MAN1C1: variants seen among roughly 807,000 people sequenced by gnomAD.
MAN1C1 encodes mannosyl-oligosaccharide 1,2-alpha-mannosidase IC.
A neutral mutation model predicts 71.5 loss-of-function variants in MAN1C1; 49 were observed. The ratio of observed to expected loss-of-function variants is 0.69; its 90% CI spans 0.54 to 0.87. The LOEUF (loss-of-function observed/expected upper bound fraction) is 0.87, where lower values mean the gene tolerates loss of function less well. Among genes scored for constraint, MAN1C1 ranks in the 40% least tolerant of loss-of-function variants. The pLI is 0.00. For synonymous variants in MAN1C1, 352 were observed against 343.7 expected, an observed-to-expected ratio of 1.02 and a Z score of -0.27; for missense variants, 743 against 835.0, an observed-to-expected ratio of 0.89 and a Z score of 1.36.
intron 1 of MAN1C1, among the ~76,000 whole-genome samples, chr1:25,665,473 A>G (rs2045909059): frequency 6.6e-6 from 1 of 152,214 alleles, no homozygotes; most frequent in Non-Finnish European, 1.5e-5. Context: ...CCCAGTAGCA[A>G]GACGGAAAAA....
intron 2 of MAN1C1, among the ~76,000 whole-genome samples, chr1:25,698,779 G>A (rs113795736): frequency 5.3e-5 from 8 of 151,160 alleles, no homozygotes; most frequent in Non-Finnish European, 7.4e-5. Context: ...GTAAAACCCC[G>A]TCTCTACTAA....
chr1:25,630,716 T>C (rs2045366152), intron 1 of MAN1C1, among the ~76,000 whole-genome samples: 1 of 152,206 alleles, frequency 6.6e-6, no homozygotes, highest in Non-Finnish European at 1.5e-5. Flanking sequence ...GCTTGGTTGT[T>C]GTTGGTGTAT....
At chr1:25,758,756 G>T (rs116804396) in intron 6 of MAN1C1, 47 bp downstream of exon 6, 79 of 1,531,680 alleles carry the variant, frequency 5.2e-5, no homozygotes, top group Non-Finnish European at 6.9e-5. Context: ...AGGGATGAGC[G>T]TGCGGCTGCC....
intron 7 of MAN1C1, among the ~76,000 whole-genome samples, chr1:25,768,488 CA>C: frequency 2.7e-5 from 3 of 111,636 alleles, no homozygotes; most frequent in Non-Finnish European, 3.8e-5. Flanking sequence ...CACACTCCCC[CA>C]CACAGACCCA....
intron 7 of MAN1C1, among the ~76,000 whole-genome samples, chr1:25,765,318 G>C (rs1029721450): frequency 6.6e-6 from 1 of 152,324 alleles, no homozygotes; most frequent in African/African-American, 2.4e-5. Flanking sequence ...AGCAGAGGCA[G>C]GCCCTGGTCA....
intron 2 of MAN1C1, among the ~76,000 whole-genome samples, chr1:25,732,523 C>T (rs1014231709): frequency 6.6e-5 from 10 of 152,186 alleles, no homozygotes; most frequent in Admixed American, 2.6e-4. Context: ...GTCTGTGGTG[C>T]GCTCAGCAAC....
intron 1 of MAN1C1, among the ~76,000 whole-genome samples, chr1:25,663,658 A>G (rs11247588): frequency 0.17 from 25,331 of 152,030 alleles, 5,250 homozygotes; most frequent in African/African-American, 0.48. Context: ...TACTGTGTCG[A>G]GGGCACAGTG....
rs1052578323 is a variant in MAN1C1, at chr1:25,746,920, C to T, written c.753+137C>T. 6.7e-5 allele frequency: 43 copies of T among 642,336 alleles called. No homozygotes were observed. The highest frequency in any genetic ancestry group is 8.0e-4 in the Middle Eastern group (2 of 2,514). The allele number at this position is 642,336 out of a possible 1,614,324, so 39.8% of individuals were successfully genotyped here. On this transcript the variant is annotated intron_variant, in intron 3 of 11. Coordinates refer to ENST00000374332, the MANE Select transcript of MAN1C1 (RefSeq NM_020379.4). The surrounding 1 kb of genome is among the most constrained non-coding windows in gnomAD (Gnocchi z 4.0). ...CTGCACAGCCCAGCAGTCTCGGAAC[C>T]GGAGCTGCCGTGCAGTCTGTGCTGA...
At chr1:25,652,458 C>T (rs1228615710) in intron 1 of MAN1C1, among the ~76,000 whole-genome samples, 1 of 152,244 alleles carries the variant, frequency 6.6e-6, no homozygotes, top group Non-Finnish European at 1.5e-5. Context: ...ACCAGCCCTT[C>T]CCACCCCACA....
chr1:25,773,910 T>A (rs761144207), intron 8 of MAN1C1, among the ~76,000 whole-genome samples: 1 of 152,136 alleles, frequency 6.6e-6, no homozygotes, highest in Non-Finnish European at 1.5e-5. Context: ...CATGTTAAAA[T>A]CACCTAGGGA....
At chr1:25,759,514 A>T (rs778867912) in intron 6 of MAN1C1, 4 of 152,180 alleles carry the variant, frequency 2.6e-5, no homozygotes, top group Non-Finnish European at 5.9e-5. Context: ...CCCGCCTCTT[A>T]GACCAGTATG....
At chr1:25,622,241 C>A (rs1219456935) in intron 1 of MAN1C1, among the ~76,000 whole-genome samples, 1 of 152,192 alleles carries the variant, frequency 6.6e-6, no homozygotes, top group African/African-American at 2.4e-5. Flanking sequence ...CAAGCTGGGT[C>A]AAGTCCTAGC....
rs1398201251 is a variant in MAN1C1 at position 25,783,766 on chromosome 1, G to A, written c.1870G>A (p.Gly624Ser). 15 of 1,611,850 alleles carry A rather than the reference G, an allele frequency of 9.3e-6. No individual in the cohort carries two copies. Among genetic ancestry groups the A allele is most frequent in the African/African-American group, 5.3e-5 (4 of 74,938 alleles). The change falls in exon 12 of 12, where the codon GGC (glycine) becomes AGC (serine). Residue 624 changes from glycine (G) to serine (S), a missense_variant. Physicochemically the swap from Gly to Ser is moderately conservative, Grantham distance 56 (BLOSUM62 0). Coordinates refer to ENST00000374332, the MANE Select transcript of MAN1C1 (RefSeq NM_020379.4). ...PLPVNHSDSS[G>S]RAWGRH ...CCCGGTGAACCACTCAGACAGCTCC[G>A]GCAGAGCCTGGGGCAGACACTGACC...
intron 2 of MAN1C1, among the ~76,000 whole-genome samples, chr1:25,690,802 A>G (rs568819628): frequency 3.9e-5 from 6 of 152,236 alleles, no homozygotes; most frequent in Non-Finnish European, 8.8e-5. Context: ...GCCCCGTGCC[A>G]GGCACAGAGC....
At chr1:25,741,275 T>C (rs557276880) in intron 2 of MAN1C1, among the ~76,000 whole-genome samples, 2 of 152,254 alleles carry the variant, frequency 1.3e-5, no homozygotes, top group Non-Finnish European at 2.9e-5. Context: ...CCACTGTGCC[T>C]GGCCGATGGA....
Position 25,618,115 on chromosome 1 carries a change from AG to A in MAN1C1, c.324del (p.Leu109CysfsTer73). 1 of 1,513,148 alleles carries A rather than the reference AG, an allele frequency of 6.6e-7. No homozygotes were observed. Among genetic ancestry groups the A allele is most frequent in the South Asian group, 1.2e-5 (1 of 81,398 alleles). 93.7% of individuals were successfully genotyped at this position (1,513,148 alleles called of 1,614,324 possible). A position where few individuals can be genotyped will look rare whatever the true frequency, so the allele number is the denominator to read the frequency against. On this transcript the variant is annotated frameshift_variant, in exon 1 of 12. Coordinates refer to ENST00000374332, the MANE Select transcript of MAN1C1 (RefSeq NM_020379.4). LOFTEE classifies it high-confidence loss of function. The part of the protein sequence containing the change: ...SSWASPRRRK[G>X]GLRRTRPTGP... ...GCTGGGCCAGTCCCCGCCGCAGGAA[AG>A]GGGGGCTGCGGCGCACCCGCCCCAC...
At chr1:25,708,774 C>T (rs2046561969) in intron 2 of MAN1C1, among the ~76,000 whole-genome samples, 2 of 152,084 alleles carry the variant, frequency 1.3e-5, no homozygotes, top group South Asian at 4.1e-4. Context: ...ATCCCAGCTA[C>T]TTGGGAGACT....
chr1:25,681,180 C>T (rs1265350390), intron 1 of MAN1C1, among the ~76,000 whole-genome samples: 2 of 150,308 alleles, frequency 1.3e-5, no homozygotes, highest in African/African-American at 2.5e-5. Context: ...GAACTGAGAT[C>T]GCACCATTGC....
At chr1:25,702,572 G>A (rs1342415454) in intron 2 of MAN1C1, among the ~76,000 whole-genome samples, 1 of 152,210 alleles carries the variant, frequency 6.6e-6, no homozygotes, top group East Asian at 1.9e-4. Flanking sequence ...ATTTGAAGCA[G>A]TTAAACAGAA....
Sources: allele counts gnomAD v4.1 joint callset (sites outside exome capture counted in the v4.1 genomes callset), GRCh38; gene constraint gnomAD v4.1.1; non-coding constraint Gnocchi (gnomAD v3.1); transcripts MANE v1.5; gene names NCBI Gene and HGNC (gene_info 2026-07-23, HGNC 2026-07-21).